The following COL4A4 variants were observed in gnomAD, a reference collection of about 807,000 sequenced individuals.
The protein encoded by COL4A4 is collagen type IV alpha 4 chain.
COL4A4 carries 105 observed loss-of-function variants against 192.9 expected under a neutral mutation model. The ratio of observed to expected loss-of-function variants is 0.54; its 90% CI spans 0.46 to 0.64. The LOEUF (loss-of-function observed/expected upper bound fraction) is 0.64. Among genes scored for constraint, COL4A4 ranks in the 30% least tolerant of loss-of-function variants. COL4A4 has a pLI of 0.00. For synonymous variants in COL4A4, 762 were observed against 769.9 expected (o/e 0.99, Z 0.17); for missense variants, 1,967 against 2,169.3 (o/e 0.91, Z 1.85).
intron 11 of COL4A4, 76 bp downstream of exon 11, chr2:227,108,757 C>G (rs2061002983): frequency 1.3e-6 from 2 of 1,533,166 alleles, no homozygotes; most frequent in Admixed American, 1.7e-5. Context: ...GGAAAGCCAT[C>G]ATTCTGACAA....
chr2:227,061,298 G>A (rs1976981911), intron 26 of COL4A4, among the ~76,000 whole-genome samples: 1 of 152,184 alleles, frequency 6.6e-6, no homozygotes, highest in Non-Finnish European at 1.5e-5. Flanking sequence ...TTGCCTTGTG[G>A]TGGGCGGAGT....
chr2:227,155,711 A>G (rs2064284503), intron 1 of COL4A4, among the ~76,000 whole-genome samples: 2 of 151,880 alleles, frequency 1.3e-5, no homozygotes, highest in South Asian at 4.2e-4. Context: ...GCCTTCGATG[A>G]CTTCTCACCT....
intron 12 of COL4A4, among the ~76,000 whole-genome samples, chr2:227,107,852 G>C (rs1452445580): frequency 1.3e-5 from 2 of 149,986 alleles, no homozygotes; most frequent in Non-Finnish European, 3.0e-5. Context: ...CCACCTCCCA[G>C]GTTCAAGCAA....
chr2:227,008,379 C>T (rs1962691404), intron 46 of COL4A4, 75 bp from the exon 47 acceptor site: 2 of 1,520,750 alleles, frequency 1.3e-6, no homozygotes, highest in African/African-American at 1.4e-5. Flanking sequence ...CTTCCTCCAT[C>T]TGGCCTTTGC....
intron 46 of COL4A4, 111 bp from the exon 47 acceptor site, chr2:227,008,415 C>T: frequency 1.6e-6 from 2 of 1,251,692 alleles, no homozygotes; most frequent in South Asian, 1.3e-5. Context: ...AATCTGGAGG[C>T]CCTCGCCAAA....
At chr2:227,065,058 G>C (rs1576258536) in intron 25 of COL4A4, among the ~76,000 whole-genome samples, 1 of 152,228 alleles carries the variant, frequency 6.6e-6, no homozygotes, top group African/African-American at 2.4e-5. Context: ...AGCAGGGCGA[G>C]GCATTGCCTC....
chr2:227,029,776 G>A (rs1037034433), intron 41 of COL4A4, among the ~76,000 whole-genome samples: 21 of 152,174 alleles, frequency 1.4e-4, no homozygotes, highest in Non-Finnish European at 2.5e-4. Context: ...GATAAAAATT[G>A]ATTAAAATAA....
At chr2:227,081,105 T>C (rs1396733350) in intron 23 of COL4A4, among the ~76,000 whole-genome samples, 1 of 152,166 alleles carries the variant, frequency 6.6e-6, no homozygotes, top group African/African-American at 2.4e-5. Context: ...AATGCCAACC[T>C]GTGATGGTTA....
At chr2:227,072,854 T>C (rs536828858) in intron 25 of COL4A4, among the ~76,000 whole-genome samples, 1 of 152,032 alleles carries the variant, frequency 6.6e-6, no homozygotes, top group Middle Eastern at 3.4e-3. Flanking sequence ...CATTCCTTTA[T>C]GACAAAAAAT....
At chr2:227,096,863 C>T (rs918187217) in intron 19 of COL4A4, among the ~76,000 whole-genome samples, 3 of 152,162 alleles carry the variant, frequency 2.0e-5, no homozygotes, top group African/African-American at 7.2e-5. Context: ...GACTCTGAAA[C>T]TGTGCTTATC....
At chr2:227,057,983 T>G (rs1975898980) in intron 28 of COL4A4, among the ~76,000 whole-genome samples, 1 of 152,210 alleles carries the variant, frequency 6.6e-6, no homozygotes, top group African/African-American at 2.4e-5. Flanking sequence ...ATCACTTGTA[T>G]TCTCAAATTT....
chr2:227,037,734 C>A (rs1969966867), intron 37 of COL4A4, among the ~76,000 whole-genome samples: 1 of 152,066 alleles, frequency 6.6e-6, no homozygotes, highest in African/African-American at 2.4e-5. Context: ...TTCTCCACAT[C>A]CTCTCCAGCA....
chr2:227,121,446 T>A (rs1480247968), intron 4 of COL4A4, among the ~76,000 whole-genome samples: 4 of 151,348 alleles, frequency 2.6e-5, no homozygotes, highest in Non-Finnish European at 4.4e-5. Flanking sequence ...GGGCCTGTAG[T>A]CCCAGCTATT....
upstream of COL4A4, chr2:227,164,433 C>G (rs558963774): frequency 1.1e-4 from 56 of 529,388 alleles, no homozygotes; most frequent in South Asian, 1.2e-3. This position sits in a 1 kb window ranked among gnomAD's most constrained non-coding sequence, Gnocchi z 4.8. Context: ...GGCGCCCAGC[C>G]CTTTCTCGCC....
chr2:227,095,575 C>T (rs186771138), intron 19 of COL4A4, among the ~76,000 whole-genome samples: 102 of 152,274 alleles, frequency 6.7e-4, no homozygotes, highest in East Asian at 2.7e-3. Flanking sequence ...ATCCTGCTCC[C>T]CTTGCTGCTG....
At chr2:226,985,435 T>TA in the COL4A4 span, among the ~76,000 whole-genome samples, 2 of 152,248 alleles carry the variant, frequency 1.3e-5, no homozygotes, top group Non-Finnish European at 2.9e-5. Context: ...ATAACCCTAA[T>TA]TCTGCTTACG....
rs773170228 is a variant in COL4A4 at position 227,109,512 on chromosome 2, G to T, written c.595-226C>A. On this transcript the variant is annotated intron_variant, in intron 9 of 47. Transcript: ENST00000396625. ...ACCTGTAATCCCAGCACTTTGAAAG[G>T]CCAAGTGGGGCAGATCACGAGGTCA... The T allele has an allele frequency of 1.5e-4, 105 of 679,366 alleles. 4 individuals carry two copies. Among genetic ancestry groups the T allele is most frequent in the South Asian group, 1.5e-3 (100 of 66,232 alleles). 42.1% of individuals were successfully genotyped at this position (679,366 alleles called of 1,614,324 possible).
chr2:227,090,569 TA>T (rs2059860974), intron 20 of COL4A4, among the ~76,000 whole-genome samples: 1 of 151,548 alleles, frequency 6.6e-6, no homozygotes, highest in African/African-American at 2.4e-5. Flanking sequence ...GCCAACATGG[TA>T]AAACCCCCCC....
rs78807073 is a variant in COL4A4, at chr2:227,043,218, G to A, written c.3290-34C>T. On this transcript the variant is annotated intron_variant, in intron 35 of 47. Transcript: ENST00000396625. ...GGAAAGATCAAACATCAGAGTTGCC[G>A]TTTGAGACAGTGAATCTTTAAAATC... The A allele has an allele frequency of 1.2e-3, 1,841 of 1,524,340 alleles. 20 individuals are homozygous for A. In the African/African-American group the frequency reaches 0.02, roughly 17 times the overall value. 94.4% of individuals were successfully genotyped at this position (1,524,340 alleles called of 1,614,324 possible). A position where few individuals can be genotyped will look rare whatever the true frequency, so the allele number is the denominator to read the frequency against.
Sources: gnomAD v4.1 joint callset for allele counts (sites outside exome capture counted in the v4.1 genomes callset) on GRCh38, gnomAD v4.1.1 for gene constraint, Gnocchi (gnomAD v3.1) non-coding constraint, MANE v1.5 for transcripts, NCBI Gene and HGNC (gene_info 2026-07-23, HGNC 2026-07-21) for gene names.